The following RTL4 variants were observed in gnomAD, a reference collection of about 807,000 sequenced individuals.
RTL4 encodes the protein retrotransposon Gag like 4, also known as retrotransposon Gag-like protein 4.
A neutral mutation model predicts 5.3 loss-of-function variants in RTL4; 4 were observed. The ratio of observed to expected loss-of-function variants is 0.75; its 90% CI spans 0.37 to 1.72. The LOEUF (loss-of-function observed/expected upper bound fraction) is 1.72, where lower values mean the gene tolerates loss of function less well. Ranked by LOEUF, RTL4 falls within the 40% of genes most tolerant of loss-of-function variation. RTL4 has a pLI of 0.04. For synonymous variants in RTL4, 98 were observed against 87.3 expected, an observed-to-expected ratio of 1.12 and a Z score of -0.68; for missense variants, 260 against 227.1, an observed-to-expected ratio of 1.14 and a Z score of -0.93.
the RTL4 span, among the ~76,000 whole-genome samples, chrX:112,268,198 T>C: frequency 1.8e-5 from 2 of 111,824 alleles, no homozygotes; most frequent in Non-Finnish European, 1.9e-5. Flanking sequence ...TCTTACTTTG[T>C]TCTAACCACA....
the RTL4 span, among the ~76,000 whole-genome samples, chrX:112,174,312 A>G: frequency 2.2e-5 from 2 of 91,750 alleles, no homozygotes; most frequent in African/African-American, 4.1e-5. Flanking sequence ...ATTCCCATCT[A>G]TGAGTGAGAA....
chrX:112,131,755 T>C, the RTL4 span, among the ~76,000 whole-genome samples: 1 of 110,089 alleles, frequency 9.1e-6, no homozygotes, highest in African/African-American at 3.3e-5. Flanking sequence ...GAGGGGTAAG[T>C]AAAGAGAGAA....
the RTL4 span, among the ~76,000 whole-genome samples, chrX:112,374,536 C>CATGGGT: frequency 1.8e-5 from 2 of 111,754 alleles, no homozygotes; most frequent in Admixed American, 1.9e-4. Context: ...CAAAAAAGTA[C>CATGGGT]CTGCTGCAAT....
chrX:112,356,944 C>A, the RTL4 span, among the ~76,000 whole-genome samples: 3 of 111,489 alleles, frequency 2.7e-5, no homozygotes, highest in Admixed American at 9.6e-5. Context: ...GTTGGCAATT[C>A]ATATCTACTA....
At chrX:112,374,748 C>T in the RTL4 span, among the ~76,000 whole-genome samples, 1 of 111,698 alleles carries the variant, frequency 9.0e-6, no homozygotes, top group African/African-American at 3.3e-5. Flanking sequence ...AGTGTGCTTC[C>T]CATCTCTCTC....
At chrX:112,400,202 C>A in the RTL4 span, among the ~76,000 whole-genome samples, 1 of 111,309 alleles carries the variant, frequency 9.0e-6, no homozygotes. Flanking sequence ...ACTTCAGAGA[C>A]CCCCAGTTAT....
At chrX:112,095,173 G>A in the RTL4 span, among the ~76,000 whole-genome samples, 16 of 111,496 alleles carry the variant, frequency 1.4e-4, no homozygotes, top group Non-Finnish European at 2.3e-4. Flanking sequence ...AAGTATCCAC[G>A]TGGATTCAGA....
chrX:112,205,796 G>A, the RTL4 span, among the ~76,000 whole-genome samples: 1 of 111,902 alleles, frequency 8.9e-6, no homozygotes, highest in Non-Finnish European at 1.9e-5. Flanking sequence ...TGTGTTAGCG[G>A]ATATATACAG....
chrX:112,094,479 G>T, the RTL4 span, among the ~76,000 whole-genome samples: 3 of 110,772 alleles, frequency 2.7e-5, no homozygotes, highest in Non-Finnish European at 5.7e-5. Flanking sequence ...CAGAAGAGGG[G>T]TCAAGGTCAG....
the RTL4 span, among the ~76,000 whole-genome samples, chrX:112,338,991 A>G: frequency 8.9e-6 from 1 of 111,794 alleles, no homozygotes; most frequent in Admixed American, 9.6e-5. Context: ...AATAAATTGT[A>G]TGTACGTGAG....
the RTL4 span, among the ~76,000 whole-genome samples, chrX:112,287,571 A>C: frequency 1.3e-4 from 15 of 111,666 alleles, no homozygotes; most frequent in Non-Finnish European, 2.3e-4. Context: ...TGGACTCAAC[A>C]TGTATTCTGT....
the RTL4 span, among the ~76,000 whole-genome samples, chrX:112,255,033 C>G: frequency 8.9e-6 from 1 of 111,913 alleles, no homozygotes; most frequent in South Asian, 3.7e-4. Flanking sequence ...TTACACGTCT[C>G]TCAGTTACTT....
chrX:112,185,400 T>C, the RTL4 span, among the ~76,000 whole-genome samples: 28 of 99,762 alleles, frequency 2.8e-4, no homozygotes, highest in Admixed American at 1.3e-3. Flanking sequence ...TATATATATA[T>C]ATACACACAC....
the RTL4 span, among the ~76,000 whole-genome samples, chrX:112,227,347 T>C: frequency 8.9e-6 from 1 of 111,878 alleles, no homozygotes. Context: ...TCGCTTTTCA[T>C]GCACTGTGGT....
At chrX:112,107,400 C>A in the RTL4 span, among the ~76,000 whole-genome samples, 1 of 111,792 alleles carries the variant, frequency 8.9e-6, no homozygotes, top group Non-Finnish European at 1.9e-5. Flanking sequence ...ATACTTTTTT[C>A]AGCATGTTTT....
chrX:112,352,268 TA>T, the RTL4 span, among the ~76,000 whole-genome samples: 1 of 110,836 alleles, frequency 9.0e-6, no homozygotes, highest in African/African-American at 3.3e-5. Flanking sequence ...CCTTTGTGGG[TA>T]ACCCGACCTT....
At chrX:112,455,584 T>A (rs1926826974) in exon 1 of RTL4, 1 of 1,211,611 alleles carries the variant, frequency 8.3e-7, no homozygotes, top group Admixed American at 2.2e-5. Context: ...CTGCAGCCAA[T>A]CTGGTCACTT....
chrX:112,324,658 T>A, the RTL4 span, among the ~76,000 whole-genome samples: 3 of 111,705 alleles, frequency 2.7e-5, no homozygotes, highest in African/African-American at 9.7e-5. Context: ...GTTTTAATTT[T>A]CATTTGTCTC....
chrX:112,103,088 C>A, the RTL4 span, among the ~76,000 whole-genome samples: 1 of 111,728 alleles, frequency 9.0e-6, no homozygotes, highest in African/African-American at 3.3e-5. Flanking sequence ...TGGGTATATA[C>A]CCAAAGGAAT....
Sources: allele counts gnomAD v4.1 joint callset (sites outside exome capture counted in the v4.1 genomes callset), GRCh38; gene constraint gnomAD v4.1.1; transcripts MANE v1.5; gene names NCBI Gene and HGNC (gene_info 2026-07-23, HGNC 2026-07-21).